GRM7: variants seen among roughly 807,000 people sequenced by gnomAD.
The protein encoded by GRM7 is metabotropic glutamate receptor 7.
Under a neutral mutation model 84.5 loss-of-function variants are expected in GRM7, and 35 were observed. The observed-to-expected ratio is 0.41, with a 90% CI of 0.32 to 0.55. The LOEUF (loss-of-function observed/expected upper bound fraction) is 0.55. Ranked by LOEUF, GRM7 falls within the 20% of genes least tolerant of loss-of-function variation. GRM7 has a pLI of 0.19. For missense variants in GRM7, 1,003 were observed against 1,194.6 expected (o/e 0.84, Z 2.36); for synonymous variants, 487 against 455.1 (o/e 1.07, Z -0.89).
intron 1 of GRM7, among the ~76,000 whole-genome samples, chr3:7,109,679 T>C (rs1692777867): frequency 6.6e-6 from 1 of 152,164 alleles, no homozygotes; most frequent in South Asian, 2.1e-4. Context: ...TAGTGAGTTC[T>C]ATGTACTAAA....
chr3:6,925,943 C>A (rs192421409), intron 1 of GRM7, among the ~76,000 whole-genome samples: 1 of 152,226 alleles, frequency 6.6e-6, no homozygotes, highest in East Asian at 1.9e-4. Flanking sequence ...AGGCTCCTCA[C>A]CATTTTGTTT....
intron 8 of GRM7, among the ~76,000 whole-genome samples, chr3:7,614,189 C>T (rs150431684): frequency 2.6e-5 from 4 of 152,104 alleles, no homozygotes; most frequent in African/African-American, 7.2e-5. Flanking sequence ...TGCTTGAACC[C>T]GTGAGGCAGA....
At chr3:7,667,362 C>G (rs1457087940) in intron 8 of GRM7, among the ~76,000 whole-genome samples, 3 of 151,908 alleles carry the variant, frequency 2.0e-5, no homozygotes, top group Admixed American at 6.5e-5. Flanking sequence ...TGCAGGCACT[C>G]GGATGGGTGG....
intron 8 of GRM7, among the ~76,000 whole-genome samples, chr3:7,591,030 T>C (rs1180992429): frequency 6.6e-6 from 1 of 152,200 alleles, no homozygotes; most frequent in Non-Finnish European, 1.5e-5. Flanking sequence ...AAAGAAGGAA[T>C]GAATGAATCT....
In GRM7 at chr3:7,315,822, T is replaced by A. The variant is rs57013066; in HGVS notation, c.1033+9170T>A. 4.1e-3 allele frequency among the ~76,000 whole-genome samples: 620 copies of A among 152,282 alleles called. 8 individuals are homozygous for A. The highest frequency in any genetic ancestry group is 0.014 in the African/African-American group (592 of 41,572). ...TGAGTTTTCAGCATTCTGACAAAATTGGTTTTGACAGTTTCTACTTGCTTT... is the reference window on the plus strand; with the variant it reads ...TGAGTTTTCAGCATTCTGACAAAATAGGTTTTGACAGTTTCTACTTGCTTT... On this transcript the variant is annotated intron_variant, in intron 4 of 9. Transcript: ENST00000357716.
At chr3:7,211,300 AT>A (rs1329860929) in intron 2 of GRM7, among the ~76,000 whole-genome samples, 1 of 152,254 alleles carries the variant, frequency 6.6e-6, no homozygotes. Flanking sequence ...TGCTTGTTAA[AT>A]TTGTAGAAAC....
chr3:7,525,515 G>A lies in GRM7; in HGVS notation c.1516-52907G>A, dbSNP rs545605786. On this transcript the variant is annotated intron_variant, in intron 7 of 9. Coordinates refer to ENST00000357716, the MANE Select transcript of GRM7 (RefSeq NM_000844.4). ...ATTGCAGGTATCCATCACAGAGCCT[G>A]GCTGGGAACAGAGTTTTTACATTTT... Among the ~76,000 whole-genome samples, 19 of 152,154 alleles carry A rather than the reference G, an allele frequency of 1.2e-4. No homozygotes were observed. In the South Asian group the frequency reaches 1.9e-3, roughly 15 times the overall value.
intron 1 of GRM7, among the ~76,000 whole-genome samples, chr3:6,966,831 G>A (rs566818701): frequency 8.5e-5 from 13 of 152,274 alleles, no homozygotes; most frequent in Admixed American, 2.6e-4. Context: ...AGGAGTTTTG[G>A]AGCAGATATC....
chr3:7,273,004 A>T lies in GRM7; in HGVS notation c.737-25680A>T, dbSNP rs183419320. 8.0e-3 allele frequency among the ~76,000 whole-genome samples: 1,214 copies of T among 151,852 alleles called. 23 individuals are homozygous for T. The highest frequency in any genetic ancestry group is 0.028 in the African/African-American group (1,149 of 41,424). On this transcript the variant is annotated intron_variant, in intron 2 of 9. Coordinates refer to ENST00000357716, the MANE Select transcript of GRM7 (RefSeq NM_000844.4). The stretch of plus-strand genomic sequence containing the variant: ...AAATGCTGTTAACGTTCCTCTATGG[A>T]CTGTGTTAGCTTCATCCCACAAAAT...
At chr3:7,411,313 A>G (rs1329096932) in intron 4 of GRM7, among the ~76,000 whole-genome samples, 1 of 152,190 alleles carries the variant, frequency 6.6e-6, no homozygotes, top group Non-Finnish European at 1.5e-5. Context: ...CCACTGCCAT[A>G]GGTTATATTA....
intron 1 of GRM7, among the ~76,000 whole-genome samples, chr3:6,936,678 G>C (rs375739799): frequency 6.6e-6 from 1 of 152,234 alleles, no homozygotes; most frequent in East Asian, 1.9e-4. Context: ...ATCTTTGTGT[G>C]TGTTATTTTA....
chr3:7,695,593 T>G (rs1335824366), intron 9 of GRM7, among the ~76,000 whole-genome samples: 1 of 152,196 alleles, frequency 6.6e-6, no homozygotes. Flanking sequence ...AGCAGTCTAG[T>G]GCCCAGGTTA....
At chr3:6,894,534 T>C (rs1249479520) in intron 1 of GRM7, among the ~76,000 whole-genome samples, 1 of 152,150 alleles carries the variant, frequency 6.6e-6, no homozygotes, top group Non-Finnish European at 1.5e-5. Flanking sequence ...GTAATTGTAA[T>C]ATATACATAC....
At chr3:7,428,017 A>C (rs1696681519) in intron 5 of GRM7, among the ~76,000 whole-genome samples, 2 of 152,196 alleles carry the variant, frequency 1.3e-5, no homozygotes, top group African/African-American at 4.8e-5. Context: ...ATGATGTGCA[A>C]AACATTTAGG....
intron 1 of GRM7, among the ~76,000 whole-genome samples, chr3:6,972,446 A>C (rs1475885309): frequency 6.6e-6 from 1 of 152,216 alleles, no homozygotes; most frequent in Non-Finnish European, 1.5e-5. Context: ...TCAGAAATCC[A>C]TAATGATACA....
chr3:7,239,031 A>T (rs1245795015), intron 2 of GRM7, among the ~76,000 whole-genome samples: 1 of 124,628 alleles, frequency 8.0e-6, no homozygotes, highest in Non-Finnish European at 1.6e-5. Flanking sequence ...TCATTCTGTA[A>T]TGCAGGCTGG....
At chr3:7,174,307 C>G (rs1695075445) in intron 2 of GRM7, among the ~76,000 whole-genome samples, 2 of 152,126 alleles carry the variant, frequency 1.3e-5, no homozygotes, top group South Asian at 4.1e-4. Flanking sequence ...TAGAGTGATA[C>G]TTTTATTCTG....
chr3:7,043,034 A>C (rs1007001319), intron 1 of GRM7, among the ~76,000 whole-genome samples: 76 of 152,262 alleles, frequency 5.0e-4, no homozygotes, highest in African/African-American at 1.8e-3. Flanking sequence ...TCCACTTCTG[A>C]GGAAAACACT....
chr3:7,402,156 T>C (rs1213836023), intron 4 of GRM7, among the ~76,000 whole-genome samples: 3 of 152,206 alleles, frequency 2.0e-5, no homozygotes, highest in African/African-American at 7.2e-5. Flanking sequence ...TTTACATCTC[T>C]TCTATAAAGT....
Sources: gnomAD v4.1 joint callset for allele counts (sites outside exome capture counted in the v4.1 genomes callset) on GRCh38, gnomAD v4.1.1 for gene constraint, MANE v1.5 for transcripts, NCBI Gene and HGNC (gene_info 2026-07-23, HGNC 2026-07-21) for gene names.